The following LRRC8D variants were observed in gnomAD, a reference collection of about 807,000 sequenced individuals.
LRRC8D encodes the protein leucine rich repeat containing 8 VRAC subunit D.
Under a neutral mutation model 55.8 loss-of-function variants are expected in LRRC8D, and 20 were observed. The observed-to-expected ratio is 0.36, with a 90% CI of 0.25 to 0.52. The LOEUF (loss-of-function observed/expected upper bound fraction) is 0.52, where lower values mean the gene tolerates loss of function less well. Among genes scored for constraint, LRRC8D ranks in the 20% least tolerant of loss-of-function variants. The probability of loss-of-function intolerance (pLI) is 0.93; values close to 1 mark genes in which losing one functional copy is unlikely to be tolerated. For missense variants in LRRC8D, 651 were observed against 1,030.8 expected (o/e 0.63, Z 5.05); for synonymous variants, 352 against 377.0 (o/e 0.93, Z 0.77).
rs573100984 is a variant in LRRC8D at position 89,919,420 on chromosome 1, CT to C, written c.-2-13645del. Among the ~76,000 whole-genome samples the C allele has an allele frequency of 1.4e-4, 22 of 152,300 alleles. 1 individual carries two copies. The South Asian group carries it at 4.4e-3, about 30-fold the overall frequency. On this transcript the variant is annotated intron_variant, in intron 2 of 2. Coordinates refer to ENST00000337338, the MANE Select transcript of LRRC8D (RefSeq NM_001134479.2). The stretch of plus-strand genomic sequence containing the variant: ...AAGTAACTGGAAAAGAATGTGGCAA[CT>C]TCCTGGGACCATGGAAAGCTGCTTG...
rs544875237 is a variant in LRRC8D, at chr1:89,874,896, C to T, written c.-3+31114C>T. Among the ~76,000 whole-genome samples the T allele has an allele frequency of 2.3e-4, 35 of 152,278 alleles. No homozygotes were observed. The South Asian group carries it at 6.4e-3, about 28-fold the overall frequency. The stretch of plus-strand genomic sequence containing the variant: ...TAAATTCATTTAATTCTTAGTTCTA[C>T]TGAGACTTTACCATGATTGTCATTG... On this transcript the variant is annotated intron_variant, in intron 2 of 2. Coordinates refer to ENST00000337338, the MANE Select transcript of LRRC8D (RefSeq NM_001134479.2).
intron 2 of LRRC8D, among the ~76,000 whole-genome samples, chr1:89,867,548 G>T (rs1474397958): frequency 6.6e-6 from 1 of 152,124 alleles, no homozygotes. Flanking sequence ...TTGGGCAGTT[G>T]TGTATAATAC....
rs143707635 is a variant in LRRC8D, at chr1:89,931,573, A to G, written c.-2-1494A>G. On this transcript the variant is annotated intron_variant, in intron 2 of 2. Coordinates refer to ENST00000337338, the MANE Select transcript of LRRC8D (RefSeq NM_001134479.2). Reference sequence around the variant, plus strand: ...CAGGAGTTCGAGACCAGCCTGGCCAATATGGTGAAACCCTGTCTCTACTAA... The same window carrying G: ...CAGGAGTTCGAGACCAGCCTGGCCAGTATGGTGAAACCCTGTCTCTACTAA... 2.6e-3 allele frequency among the ~76,000 whole-genome samples: 397 copies of G among 152,238 alleles called. 1 individual carries two copies. The highest frequency in any genetic ancestry group is 9.2e-3 in the African/African-American group (382 of 41,534).
At chr1:89,851,620 C>T (rs558825379) in intron 2 of LRRC8D, among the ~76,000 whole-genome samples, 11 of 152,086 alleles carry the variant, frequency 7.2e-5, no homozygotes, top group Admixed American at 7.2e-4. Flanking sequence ...AGTGATTCTC[C>T]TGTCTCAGCC....
At chr1:89,897,056 C>T (rs990557843) in intron 2 of LRRC8D, among the ~76,000 whole-genome samples, 8 of 152,106 alleles carry the variant, frequency 5.3e-5, no homozygotes, top group African/African-American at 1.9e-4. Context: ...GTATTAGAAA[C>T]TATTCATTAC....
chr1:89,929,580 A>G (rs1663648759), intron 2 of LRRC8D, among the ~76,000 whole-genome samples: 1 of 152,246 alleles, frequency 6.6e-6, no homozygotes, highest in Non-Finnish European at 1.5e-5. Flanking sequence ...CTGCCAAGCC[A>G]GACATCCTGG....
chr1:89,821,656 C>T (rs1467033242), intron 1 of LRRC8D, among the ~76,000 whole-genome samples: 1 of 152,162 alleles, frequency 6.6e-6, no homozygotes, highest in African/African-American at 2.4e-5. Context: ...CGGGGAGAGC[C>T]GGTTTCGGCT....
chr1:89,854,798 A>C (rs1312699349), intron 2 of LRRC8D, among the ~76,000 whole-genome samples: 1 of 152,212 alleles, frequency 6.6e-6, no homozygotes, highest in Non-Finnish European at 1.5e-5. Flanking sequence ...CATGAACAGC[A>C]GGACAGCTGT....
chr1:89,922,105 C>T (rs886231078), intron 2 of LRRC8D, among the ~76,000 whole-genome samples: 7 of 151,916 alleles, frequency 4.6e-5, no homozygotes, highest in African/African-American at 1.7e-4. Context: ...CTCTTGTTAC[C>T]CAGGCCAGGG....
In LRRC8D at chr1:89,924,967, A is replaced by G. The variant is rs60180578; in HGVS notation, c.-2-8100A>G. ...GTTGGAAGGCTCCCTATTAGGTACT[A>G]TACTCATTACCTTGATTGGGGGTCC... On this transcript the variant is annotated intron_variant, in intron 2 of 2. Coordinates refer to ENST00000337338, the MANE Select transcript of LRRC8D (RefSeq NM_001134479.2). Among the ~76,000 whole-genome samples the G allele has an allele frequency of 7.0e-3, 1,061 of 152,290 alleles. 12 individuals carry two copies. The highest frequency in any genetic ancestry group is 0.024 in the African/African-American group (1,007 of 41,560).
chr1:89,914,515 G>A (rs1663209783), intron 2 of LRRC8D, among the ~76,000 whole-genome samples: 1 of 112,526 alleles, frequency 8.9e-6, no homozygotes, highest in Admixed American at 8.2e-5. Flanking sequence ...AGCACACAAT[G>A]TGACTACAGA....
At chr1:89,901,364 A>G (rs939001399) in intron 2 of LRRC8D, among the ~76,000 whole-genome samples, 10 of 152,238 alleles carry the variant, frequency 6.6e-5, no homozygotes, top group African/African-American at 9.6e-5. Context: ...TCAGTGGGCA[A>G]TAGTTTCTCT....
intron 2 of LRRC8D, among the ~76,000 whole-genome samples, chr1:89,862,155 G>A (rs943355094): frequency 3.3e-5 from 5 of 152,174 alleles, no homozygotes; most frequent in Non-Finnish European, 4.4e-5. Flanking sequence ...ACTCTATGCA[G>A]CGATTTTCTT....
chr1:89,899,038 G>T (rs983268476), intron 2 of LRRC8D, among the ~76,000 whole-genome samples: 1 of 152,150 alleles, frequency 6.6e-6, no homozygotes, highest in African/African-American at 2.4e-5. Flanking sequence ...TTAGATCAAC[G>T]AGATGAGCTC....
chr1:89,871,415 G>A (rs768487713), intron 2 of LRRC8D, among the ~76,000 whole-genome samples: 5 of 152,102 alleles, frequency 3.3e-5, no homozygotes, highest in Admixed American at 1.3e-4. Flanking sequence ...TGCGCATAGC[G>A]TTCTTTTGGG....
At chr1:89,901,041 AACAG>A (rs1292011631) in intron 2 of LRRC8D, among the ~76,000 whole-genome samples, 1 of 152,202 alleles carries the variant, frequency 6.6e-6, no homozygotes, top group Non-Finnish European at 1.5e-5. Flanking sequence ...TGCCCTGGGA[AACAG>A]ACTGTGACCA....
chr1:89,927,643 T>C (rs563442461), intron 2 of LRRC8D, among the ~76,000 whole-genome samples: 22 of 152,206 alleles, frequency 1.4e-4, no homozygotes, highest in Non-Finnish European at 2.5e-4. Context: ...TTTCCCAACA[T>C]TGACACACTC....
intron 2 of LRRC8D, among the ~76,000 whole-genome samples, chr1:89,896,235 G>T (rs778449561): frequency 6.6e-6 from 1 of 152,172 alleles, no homozygotes; most frequent in Non-Finnish European, 1.5e-5. Flanking sequence ...GAGGGTAGAG[G>T]GGTGGATGAA....
At position 89,909,566 on chromosome 1, in the gene LRRC8D, A is replaced by G. The variant is rs528691307; in HGVS notation, c.-2-23501A>G. Among the ~76,000 whole-genome samples the G allele has an allele frequency of 3.3e-5, 5 of 152,194 alleles. No homozygotes were observed. The South Asian group carries it at 1.0e-3, about 32-fold the overall frequency. Reference sequence around the variant, plus strand: ...ATAGGAAATTTATCTGGCAAAATAGAATTATAAGAATTTAGTAGGGCCAGG... The same window carrying G: ...ATAGGAAATTTATCTGGCAAAATAGGATTATAAGAATTTAGTAGGGCCAGG... On this transcript the variant is annotated intron_variant, in intron 2 of 2. Transcript: ENST00000337338.
Sources: gnomAD v4.1 joint callset for allele counts (sites outside exome capture counted in the v4.1 genomes callset) on GRCh38, gnomAD v4.1.1 for gene constraint, MANE v1.5 for transcripts, NCBI Gene and HGNC (gene_info 2026-07-23, HGNC 2026-07-21) for gene names.